HS6ST2: variants seen among roughly 807,000 people sequenced by gnomAD.
HS6ST2 encodes the protein heparan sulfate 6-O-sulfotransferase 2.
HS6ST2 carries 17 observed loss-of-function variants against 33.0 expected under a neutral mutation model. The ratio of observed to expected loss-of-function variants is 0.52; its 90% CI spans 0.35 to 0.77. HS6ST2 has a LOEUF of 0.77. Among genes scored for constraint, HS6ST2 ranks in the 30% least tolerant of loss-of-function variants. The pLI is 0.01. For missense variants in HS6ST2, 519 were observed against 551.7 expected, an observed-to-expected ratio of 0.94 and a Z score of 0.59; for synonymous variants, 248 against 237.1, an observed-to-expected ratio of 1.05 and a Z score of -0.42.
intron 2 of HS6ST2, among the ~76,000 whole-genome samples, chrX:132,914,247 G>T (rs191811995): frequency 4.4e-5 from 5 of 112,432 alleles, no homozygotes; most frequent in Admixed American, 1.9e-4. Flanking sequence ...CTGACAGTGT[G>T]CTTTCTGTAT....
intron 2 of HS6ST2, among the ~76,000 whole-genome samples, chrX:132,761,099 A>C (rs1027130206): frequency 9.0e-6 from 1 of 111,610 alleles, no homozygotes; most frequent in Non-Finnish European, 1.9e-5. Flanking sequence ...GTGGAAAAAG[A>C]CTTTTGCCTC....
At chrX:132,630,538 A>G (rs2063509920) in intron 4 of HS6ST2, among the ~76,000 whole-genome samples, 1 of 111,419 alleles carries the variant, frequency 9.0e-6, no homozygotes, top group Non-Finnish European at 1.9e-5. Context: ...ATCCTTCAAT[A>G]CCAGTTCAAG....
At chrX:132,839,403 T>C (rs1165629560) in intron 2 of HS6ST2, among the ~76,000 whole-genome samples, 1 of 99,336 alleles carries the variant, frequency 1.0e-5, no homozygotes, top group Non-Finnish European at 2.0e-5. Context: ...TGCAGCAACA[T>C]GGATGTAACT....
intron 3 of HS6ST2, among the ~76,000 whole-genome samples, chrX:132,693,924 G>A (rs1047063689): frequency 1.8e-5 from 2 of 111,872 alleles, no homozygotes; most frequent in African/African-American, 3.3e-5. Context: ...CAATACTCAG[G>A]GAATGGGTCT....
chrX:132,734,728 C>A (rs2064492087), intron 2 of HS6ST2, among the ~76,000 whole-genome samples: 1 of 112,614 alleles, frequency 8.9e-6, no homozygotes, highest in African/African-American at 3.2e-5. Flanking sequence ...CAAGCAAAGC[C>A]AACAGGCTTC....
chrX:132,848,197 C>T (rs921293304), intron 2 of HS6ST2, among the ~76,000 whole-genome samples: 1 of 111,825 alleles, frequency 8.9e-6, no homozygotes, highest in African/African-American at 3.3e-5. Context: ...GTATTTAACA[C>T]GAGATCAGAA....
chrX:132,945,361 G>A (rs772711326), intron 2 of HS6ST2, among the ~76,000 whole-genome samples: 31 of 111,933 alleles, frequency 2.8e-4, no homozygotes, highest in Non-Finnish European at 1.9e-5. Context: ...AACAACAGGT[G>A]CTGGAGAGGA....
intron 2 of HS6ST2, among the ~76,000 whole-genome samples, chrX:132,913,362 C>T (rs187445405): frequency 2.6e-4 from 29 of 112,428 alleles, no homozygotes; most frequent in African/African-American, 8.4e-4. Context: ...TGTTAACACA[C>T]CCCTGTTTGC....
intron 2 of HS6ST2, among the ~76,000 whole-genome samples, chrX:132,934,636 C>A (rs1305016917): frequency 1.8e-5 from 2 of 111,211 alleles, no homozygotes; most frequent in Admixed American, 9.6e-5. Flanking sequence ...AGTAGAAAAT[C>A]ATTAAGGGAA....
At chrX:132,714,257 G>A (rs190918852) in intron 2 of HS6ST2, among the ~76,000 whole-genome samples, 6 of 111,234 alleles carry the variant, frequency 5.4e-5, no homozygotes, top group East Asian at 2.8e-4. Context: ...ATGGCTCCCC[G>A]TTTCCCTATC....
chrX:132,794,903 C>T (rs935280627), intron 2 of HS6ST2, among the ~76,000 whole-genome samples: 7 of 110,014 alleles, frequency 6.4e-5, no homozygotes, highest in Admixed American at 2.0e-4. Context: ...TCCACTGCCC[C>T]GAAGTACTGG....
intron 2 of HS6ST2, among the ~76,000 whole-genome samples, chrX:132,862,748 A>G (rs1368038782): frequency 8.9e-6 from 1 of 112,106 alleles, no homozygotes; most frequent in East Asian, 2.8e-4. Flanking sequence ...TATTGGCCAG[A>G]CCTGTGTAGG....
At chrX:132,832,170 C>A (rs1377955076) in intron 2 of HS6ST2, among the ~76,000 whole-genome samples, 2 of 111,648 alleles carry the variant, frequency 1.8e-5, no homozygotes, top group Non-Finnish European at 3.8e-5. Context: ...ATTTGAAGAT[C>A]ACTTATCTGA....
chrX:132,741,159 G>A (rs1211034797), intron 2 of HS6ST2, among the ~76,000 whole-genome samples: 2 of 111,771 alleles, frequency 1.8e-5, no homozygotes, highest in African/African-American at 3.2e-5. Context: ...GGCCAGCTGC[G>A]CCGGCAAAGC....
intron 2 of HS6ST2, among the ~76,000 whole-genome samples, chrX:132,829,408 C>G (rs189261815): frequency 6.6e-4 from 72 of 108,329 alleles, no homozygotes; most frequent in African/African-American, 2.3e-3. Flanking sequence ...ATGTATGTAT[C>G]TATCTGTCTA....
intron 2 of HS6ST2, among the ~76,000 whole-genome samples, chrX:132,873,542 A>T (rs1193085192): frequency 8.9e-6 from 1 of 112,094 alleles, no homozygotes; most frequent in African/African-American, 3.2e-5. Context: ...ATTCATATTT[A>T]TGGAAATCAT....
intron 2 of HS6ST2, among the ~76,000 whole-genome samples, chrX:132,748,033 G>A (rs2064663465): frequency 9.0e-6 from 1 of 111,165 alleles, no homozygotes; most frequent in African/African-American, 3.3e-5. Context: ...ACAATGCATG[G>A]GCCAGTTAGC....
intron 2 of HS6ST2, among the ~76,000 whole-genome samples, chrX:132,842,045 C>A (rs2065712025): frequency 8.9e-6 from 1 of 111,835 alleles, no homozygotes; most frequent in African/African-American, 3.3e-5. Flanking sequence ...TAGAAAAAAT[C>A]CAACCCATTG....
At chrX:132,818,863 C>T (rs994101184) in intron 2 of HS6ST2, among the ~76,000 whole-genome samples, 4 of 111,831 alleles carry the variant, frequency 3.6e-5, no homozygotes, top group African/African-American at 1.3e-4. Context: ...TCAGCCAACC[C>T]CCAGCACATT....
Sources: gnomAD v4.1 joint callset for allele counts (sites outside exome capture counted in the v4.1 genomes callset) on GRCh38, gnomAD v4.1.1 for gene constraint, MANE v1.5 for transcripts, NCBI Gene and HGNC (gene_info 2026-07-23, HGNC 2026-07-21) for gene names.